The following MMP3 variants were observed in gnomAD, a reference collection of about 807,000 sequenced individuals.
MMP3 encodes stromelysin-1.
Under a neutral mutation model 47.3 loss-of-function variants are expected in MMP3, and 46 were observed. That is an observed-to-expected ratio of 0.97 (90% confidence interval 0.77 to 1.24). The LOEUF (loss-of-function observed/expected upper bound fraction) is 1.24, where lower values mean the gene tolerates loss of function less well. Among genes scored for constraint, MMP3 ranks in the 50% most tolerant of loss-of-function variants. MMP3 has a pLI of 0.00. For missense variants in MMP3, 558 were observed against 565.5 expected (o/e 0.99, Z 0.13); for synonymous variants, 216 against 206.5 (o/e 1.05, Z -0.39).
intron 3 of MMP3, 28 bp downstream of exon 3, chr11:102,842,403 G>GTTTTTTTTTTTTTTTTTTT: frequency 1.1e-6 from 1 of 918,296 alleles, no homozygotes; most frequent in Admixed American, 7.0e-5. Flanking sequence ...GTTTTGTTTT[G>GTTTTTTTTTTTTTTTTTTT]CTTTTTTTTT....
chr11:102,841,232 A>T (rs1858991773), intron 4 of MMP3, among the ~76,000 whole-genome samples: 1 of 152,216 alleles, frequency 6.6e-6, no homozygotes. Context: ...CATATTTTTA[A>T]AAACACCCAT....
Position 102,838,543 on chromosome 11 carries a change from C to T in MMP3, c.1229+8G>A. The stretch of plus-strand genomic sequence containing the variant: ...GCTCCATACAAAGTCATTTCTCTTG[C>T]ATCTCACCTCCAGTATTTGTCCTCT... On this transcript the variant is annotated splice_region_variant and intron_variant, in intron 8 of 9. Coordinates refer to ENST00000299855, the MANE Select transcript of MMP3 (RefSeq NM_002422.5). The T allele has an allele frequency of 1.2e-6, 2 of 1,608,258 alleles. No homozygotes were observed.
At chr11:102,838,050 G>A (rs782142060) in intron 8 of MMP3, among the ~76,000 whole-genome samples, 1 of 152,150 alleles carries the variant, frequency 6.6e-6, no homozygotes, top group Non-Finnish European at 1.5e-5. Context: ...AGTGGGTGAG[G>A]TTAGAGGTAG....
Position 102,837,177 on chromosome 11 carries a change from T to G in MMP3, c.1333+121A>C. 1.5e-6 allele frequency: 1 copy of G among 689,550 alleles called. No homozygotes were observed. Among genetic ancestry groups the G allele is most frequent in the South Asian group, 1.9e-5 (1 of 52,442 alleles). The allele number at this position is 689,550 out of a possible 1,614,324, so 42.7% of individuals were successfully genotyped here. A position where few individuals can be genotyped will look rare whatever the true frequency, so the allele number is the denominator to read the frequency against. ...AGTACAAATGTAGGCGAATCAAAAT[T>G]TTGAGAAGGGAACTGGCCCTAAGAA... is the stretch of plus-strand genomic sequence containing the variant. On this transcript the variant is annotated intron_variant, in intron 9 of 9. Coordinates refer to ENST00000299855, the MANE Select transcript of MMP3 (RefSeq NM_002422.5). This position sits in a 1 kb window ranked among gnomAD's most constrained non-coding sequence, Gnocchi z 4.4.
At position 102,843,459 on chromosome 11, in the gene MMP3, T is replaced by C; in HGVS notation, c.88A>G (p.Ser30Gly). Residue 30 changes from serine (S) to glycine (G), a missense_variant, in exon 1 of 10, where the codon AGC (serine) becomes GGC (glycine). Physicochemically the swap from Ser to Gly is moderately conservative, Grantham distance 56 (BLOSUM62 0). Coordinates refer to ENST00000299855, the MANE Select transcript of MMP3 (RefSeq NM_002422.5). ...LDGAARGEDTSMNLVQKYLEN... is the reference protein window; with the variant it reads ...LDGAARGEDTGMNLVQKYLEN... ...TTAATTACCTGAACAAGGTTCATGCTGGTGTCCTCACCCCTTGCAGCTCCA... is the reference window on the plus strand; with the variant it reads ...TTAATTACCTGAACAAGGTTCATGCCGGTGTCCTCACCCCTTGCAGCTCCA... 4.3e-6 allele frequency: 7 copies of C among 1,613,572 alleles called. No homozygotes were observed. In the South Asian group the frequency reaches 6.6e-5, roughly 15 times the overall value.
At position 102,840,152 on chromosome 11, in the gene MMP3, A is replaced by G. The variant is rs150024311; in HGVS notation, c.891T>C (p.Asp297=). The G allele has an allele frequency of 2.5e-5, 41 of 1,614,002 alleles. No homozygotes were observed. Among genetic ancestry groups the G allele is most frequent in the Non-Finnish European group, 3.1e-5 (36 of 1,180,006 alleles). The change falls in exon 6 of 10, where the codon GAT becomes GAC. Residue 297 remains aspartate (D), a synonymous_variant. Coordinates refer to ENST00000299855, the MANE Select transcript of MMP3 (RefSeq NM_002422.5). ...PANCDPALSF[D]AVSTLRGEIL... is the part of the protein sequence containing the mutation. ...TTTCTCCCCTCAGAGTGCTGACAGC[A>G]TCAAAGGACAAAGCAGGATCACAGT...
rs966734001 is a variant in MMP3, at chr11:102,836,408, A to G, written c.1334-182T>C. ...TTTCATTTATTTCTGCAACAACCCT[A>G]TGAGGTTGTATGTCTAACTCCATTT... On this transcript the variant is annotated intron_variant, in intron 9 of 9. Coordinates refer to ENST00000299855, the MANE Select transcript of MMP3 (RefSeq NM_002422.5). This position sits in a 1 kb window ranked among gnomAD's most constrained non-coding sequence, Gnocchi z 4.6. 2 of 655,690 alleles carry G rather than the reference A, an allele frequency of 3.1e-6. No individual in the cohort carries two copies. The highest frequency in any genetic ancestry group is 3.1e-5 in the East Asian group (1 of 32,308). The allele number at this position is 655,690 out of a possible 1,614,324, so 40.6% of individuals were successfully genotyped here.
At chr11:102,842,954 A>G in intron 1 of MMP3, 38 bp from the exon 2 acceptor site, 1 of 1,491,950 alleles carries the variant, frequency 6.7e-7, no homozygotes. Context: ...CACTCTTACA[A>G]TTTTTACTAT....
chr11:102,839,344 A>G (rs912146665), intron 6 of MMP3, 101 bp from the exon 7 acceptor site: 5 of 1,352,586 alleles, frequency 3.7e-6, no homozygotes, highest in East Asian at 4.7e-5. Context: ...CCATTCTCTC[A>G]TCTTCTAGGC....
rs3025077 is a variant in MMP3, at chr11:102,836,326, G to A, written c.1334-100C>T. 4,921 of 900,652 alleles carry A rather than the reference G, an allele frequency of 5.5e-3. 168 individuals carry two copies. The African/African-American group carries it at 0.073, about 13-fold the overall frequency. 55.8% of individuals were successfully genotyped at this position (900,652 alleles called of 1,614,324 possible). On this transcript the variant is annotated intron_variant, in intron 9 of 9. Transcript: ENST00000299855. This position sits in a 1 kb window ranked among gnomAD's most constrained non-coding sequence, Gnocchi z 4.6. ...TCATAGAGAACTAAAAATAGAAAGT[G>A]TTTATAGAGCTTTACTTTATGTCAG...
Position 102,840,589 on chromosome 11 carries a change from G to T in MMP3, c.630C>A (p.Thr210=), listed in dbSNP as rs782487804. 20 of 1,613,056 alleles carry T rather than the reference G, an allele frequency of 1.2e-5. No individual in the cohort carries two copies. The highest frequency in any genetic ancestry group is 1.7e-6 in the Non-Finnish European group (2 of 1,179,778). ...DEQWTKDTTG[T]NLFLVAAHEI... ...CATGAGCAGCAACGAGAAATAAATT[G>T]GTCCCTATTTAAGAAATTGAGAACA... Residue 210 remains threonine (T), a synonymous_variant, in exon 5 of 10, where the codon ACC becomes ACA. Transcript: ENST00000299855.
Position 102,839,108 on chromosome 11 carries a change from A to G in MMP3, c.1069+2T>C. The G allele has an allele frequency of 6.2e-7, 1 of 1,611,154 alleles. No individual in the cohort carries two copies. The highest frequency in any genetic ancestry group is 8.5e-7 in the Non-Finnish European group (1 of 1,179,224). On this transcript the variant is annotated splice_donor_variant, in intron 7 of 9. Transcript: ENST00000299855. LOFTEE classifies it high-confidence loss of function. ...TTAAACAAATGATGATATAGTAATT[A>G]CCTTTAAAAATGAAAACGAGGTCCT...
At chr11:102,842,068 C>A in intron 4 of MMP3, 86 bp downstream of exon 4, 1 of 1,318,942 alleles carries the variant, frequency 7.6e-7, no homozygotes, top group Non-Finnish European at 1.0e-6. Flanking sequence ...CAGAACATCT[C>A]ATTTCTTGAG....
rs781802412 is a variant in MMP3 at position 102,837,161 on chromosome 11, G to T, written c.1333+137C>A. On this transcript the variant is annotated intron_variant, in intron 9 of 9. Transcript: ENST00000299855. This position sits in a 1 kb window ranked among gnomAD's most constrained non-coding sequence, Gnocchi z 4.4. Reference sequence around the variant, plus strand: ...AAGTAGTTCTATAATGAGTACAAATGTAGGCGAATCAAAATTTTGAGAAGG... The same window carrying T: ...AAGTAGTTCTATAATGAGTACAAATTTAGGCGAATCAAAATTTTGAGAAGG... The T allele has an allele frequency of 3.2e-6, 2 of 634,396 alleles. No homozygotes were observed. 39.3% of individuals were successfully genotyped at this position (634,396 alleles called of 1,614,324 possible). A position where few individuals can be genotyped will look rare whatever the true frequency, so the allele number is the denominator to read the frequency against.
intron 4 of MMP3, among the ~76,000 whole-genome samples, chr11:102,841,263 T>A (rs1321388983): frequency 6.6e-6 from 1 of 152,170 alleles, no homozygotes. Flanking sequence ...TTGGGAGGCA[T>A]TGGGTAATTA....
Position 102,843,538 on chromosome 11 carries a change from ACT to A in MMP3, c.7_8del (p.Leu4SerfsTer23), listed in dbSNP as rs782374132. 4.3e-6 allele frequency: 7 copies of A among 1,612,230 alleles called. No homozygotes were observed. Among genetic ancestry groups the A allele is most frequent in the Non-Finnish European group, 5.9e-6 (7 of 1,179,364 alleles). On this transcript the variant is annotated frameshift_variant, in exon 1 of 10. Transcript: ENST00000299855. LOFTEE classifies it high-confidence loss of function. MK[S>X]LPILLLLCVA... ...CGCACAGCAACAGTAGGATTGGAAGACTCTTCATTTCCACTGGCTTTACTTAG... is the reference window on the plus strand; with the variant it reads ...CGCACAGCAACAGTAGGATTGGAAGACTTCATTTCCACTGGCTTTACTTAG...
chr11:102,839,317 GC>G (rs1858950084), intron 6 of MMP3, 74 bp from the exon 7 acceptor site: 2 of 1,540,022 alleles, frequency 1.3e-6, no homozygotes, highest in Admixed American at 3.5e-5. Context: ...TCACCGTCTT[GC>G]CTCACCCAGC....
intron 5 of MMP3, 69 bp from the exon 6 acceptor site, chr11:102,840,321 C>G: frequency 6.3e-7 from 1 of 1,589,920 alleles, no homozygotes; most frequent in Non-Finnish European, 8.6e-7. Flanking sequence ...TCCAAACATT[C>G]TCACGGTGCT....
rs1254066244 is a variant in MMP3 at position 102,837,988 on chromosome 11, G to A, written c.1229+563C>T. Among the ~76,000 whole-genome samples, 1 of 152,152 alleles carries A rather than the reference G, an allele frequency of 6.6e-6. No individual in the cohort carries two copies. Among genetic ancestry groups the A allele is most frequent in the East Asian group, 1.9e-4 (1 of 5,194 alleles). On this transcript the variant is annotated intron_variant, in intron 8 of 9. Coordinates refer to ENST00000299855, the MANE Select transcript of MMP3 (RefSeq NM_002422.5). The surrounding 1 kb of genome is among the most constrained non-coding windows in gnomAD (Gnocchi z 4.4). ...TTGGGTTGTATCCATAAACTGGACT[G>A]CTATTGATCATCATCTCTTAAATGA...
Sources: gnomAD v4.1 joint callset for allele counts (sites outside exome capture counted in the v4.1 genomes callset) on GRCh38, gnomAD v4.1.1 for gene constraint, Gnocchi (gnomAD v3.1) non-coding constraint, MANE v1.5 for transcripts, NCBI Gene and HGNC (gene_info 2026-07-23, HGNC 2026-07-21) for gene names.